Variants in MYRIP observed in about 807,000 individuals in gnomAD.
MYRIP encodes the protein myosin VIIA and Rab interacting protein.
A neutral mutation model predicts 98.0 loss-of-function variants in MYRIP; 49 were observed. The observed-to-expected ratio is 0.50, with a 90% CI of 0.40 to 0.63. The LOEUF (loss-of-function observed/expected upper bound fraction) is 0.63, where lower values mean the gene tolerates loss of function less well. MYRIP is among the 30% of genes least tolerant of loss of function. MYRIP has a pLI of 0.00. For synonymous variants in MYRIP, 404 were observed against 409.5 expected, an observed-to-expected ratio of 0.99 and a Z score of 0.16; for missense variants, 1,004 against 1,058.2, an observed-to-expected ratio of 0.95 and a Z score of 0.71.
At chr3:40,076,478 G>A (rs369117173) in intron 3 of MYRIP, among the ~76,000 whole-genome samples, 108 of 152,264 alleles carry the variant, frequency 7.1e-4, no homozygotes, top group African/African-American at 2.4e-3. Context: ...ACTGGGCCAG[G>A]GCACAGGCAC....
At position 39,895,868 on chromosome 3, in the gene MYRIP, A is replaced by T. The variant is rs114033239; in HGVS notation, c.-30-4919A>T. ...ATCAGGTACTAAGTCACCAGCTTAG[A>T]ACAGGTCAGGCCAGAAAGTCCTGAG... On this transcript the variant is annotated intron_variant, in intron 1 of 16. Coordinates refer to ENST00000302541, the MANE Select transcript of MYRIP (RefSeq NM_015460.4). Among the ~76,000 whole-genome samples, 1,364 of 152,276 alleles carry T rather than the reference A, an allele frequency of 9.0e-3. 24 individuals carry two copies. The highest frequency in any genetic ancestry group is 0.031 in the African/African-American group (1,306 of 41,546).
intron 2 of MYRIP, among the ~76,000 whole-genome samples, chr3:40,036,434 CAGA>C (rs1423642875): frequency 6.6e-6 from 1 of 151,140 alleles, no homozygotes; most frequent in Non-Finnish European, 1.5e-5. Context: ...AAAGAATTAC[CAGA>C]AGAAGTGAAG....
At chr3:40,024,374 G>C (rs1379087389) in intron 2 of MYRIP, among the ~76,000 whole-genome samples, 1 of 152,130 alleles carries the variant, frequency 6.6e-6, no homozygotes, top group Non-Finnish European at 1.5e-5. Context: ...CATGAGATTA[G>C]GGAAGCAGAC....
chr3:40,204,774 A>G (rs938901069), intron 10 of MYRIP, among the ~76,000 whole-genome samples: 6 of 152,130 alleles, frequency 3.9e-5, no homozygotes, highest in African/African-American at 1.4e-4. Flanking sequence ...TCTTAGAGCT[A>G]GATGGTGTCC....
intron 4 of MYRIP, among the ~76,000 whole-genome samples, chr3:40,160,592 C>G (rs879597502): frequency 6.6e-6 from 1 of 152,214 alleles, no homozygotes; most frequent in Non-Finnish European, 1.5e-5. Flanking sequence ...CCTCCCCCAG[C>G]CTCGCTGCCA....
chr3:40,000,613 G>A (rs763038156), intron 2 of MYRIP, among the ~76,000 whole-genome samples: 8 of 152,158 alleles, frequency 5.3e-5, no homozygotes, highest in Admixed American at 2.0e-4. Context: ...GTGCCTGGGA[G>A]GTACTTGAGG....
intron 10 of MYRIP, among the ~76,000 whole-genome samples, chr3:40,192,096 C>A (rs75240478): frequency 2.0e-5 from 3 of 147,612 alleles, no homozygotes; most frequent in African/African-American, 7.8e-5. Context: ...CATCAAAACC[C>A]TGATGGGTTT....
At chr3:40,021,027 T>C (rs1286583738) in intron 2 of MYRIP, among the ~76,000 whole-genome samples, 1 of 152,182 alleles carries the variant, frequency 6.6e-6, no homozygotes, top group African/African-American at 2.4e-5. Context: ...TAGGGATTAA[T>C]TCTGCCAAAT....
chr3:40,098,753 T>TGTGA (rs1309464769), intron 3 of MYRIP, among the ~76,000 whole-genome samples: 8 of 151,154 alleles, frequency 5.3e-5, no homozygotes, highest in Non-Finnish European at 1.2e-4. Context: ...TGTGTGTGTG[T>TGTGA]GTGTGTGTGT....
chr3:40,137,087 A>C (rs914668973), intron 3 of MYRIP, among the ~76,000 whole-genome samples: 7 of 152,250 alleles, frequency 4.6e-5, no homozygotes, highest in Admixed American at 3.9e-4. Flanking sequence ...AAATCAATGA[A>C]TCCAGTAGCT....
At chr3:39,813,471 A>G (rs1349751215) in intron 1 of MYRIP, among the ~76,000 whole-genome samples, 1 of 152,234 alleles carries the variant, frequency 6.6e-6, no homozygotes, top group African/African-American at 2.4e-5. Context: ...CACGATAATT[A>G]TATTTATTCT....
rs142667186 is a variant in MYRIP, at chr3:39,996,724, A to G, written c.111-47326A>G. Among the ~76,000 whole-genome samples, 1,316 of 152,326 alleles carry G rather than the reference A, an allele frequency of 8.6e-3. 15 individuals are homozygous for G. Among genetic ancestry groups the G allele is most frequent in the African/African-American group, 0.03 (1,244 of 41,572 alleles). ...GAACTCTCCACCTCAAATCAATAGAATATACATTCTTTACAGCACCACACC... is the reference window on the plus strand; with the variant it reads ...GAACTCTCCACCTCAAATCAATAGAGTATACATTCTTTACAGCACCACACC... On this transcript the variant is annotated intron_variant, in intron 2 of 16. Transcript: ENST00000302541.
chr3:40,205,156 C>T (rs1346085591), intron 10 of MYRIP, among the ~76,000 whole-genome samples: 1 of 152,132 alleles, frequency 6.6e-6, no homozygotes, highest in African/African-American at 2.4e-5. Flanking sequence ...CCCATATCAT[C>T]ATGAGGTGGG....
chr3:40,045,515 A>T (rs1038391752), intron 3 of MYRIP, among the ~76,000 whole-genome samples: 4 of 152,176 alleles, frequency 2.6e-5, no homozygotes, highest in Admixed American at 6.5e-5. Context: ...TCTGGGAGTG[A>T]TCAACAGAGA....
rs1376148067 is a variant in MYRIP, at chr3:40,169,950, A to G, written c.730A>G (p.Ile244Val). ...EELATTILQK[I>V]IRKQKSKSEQ... ...CCCTTTTTTGTCCTCCCCTCCCCAG[A>G]TTATACGAAAACAGAAGAGCAAAAG... Residue 244 changes from isoleucine (I) to valine (V), a missense_variant and splice_region_variant, in exon 8 of 17, where the codon ATT becomes GTT. Physicochemically the swap from Ile to Val is conservative, Grantham distance 29. This residue lies in a region of MYRIP where 880 missense variants were observed against 907.7 expected (regional missense o/e 0.97). Transcript: ENST00000302541. The G allele has an allele frequency of 6.2e-7, 1 of 1,614,060 alleles. No homozygotes were observed. Among genetic ancestry groups the G allele is most frequent in the East Asian group, 2.2e-5 (1 of 44,898 alleles).
intron 8 of MYRIP, chr3:40,174,729 A>AG (rs1486524329): frequency 1.3e-5 from 2 of 152,220 alleles, no homozygotes; most frequent in Non-Finnish European, 2.9e-5. Context: ...ATACCTGTGG[A>AG]GGAGGAAGAG....
intron 3 of MYRIP, among the ~76,000 whole-genome samples, chr3:40,052,895 C>T (rs985465789): frequency 1.3e-5 from 2 of 152,106 alleles, no homozygotes; most frequent in East Asian, 1.9e-4. Flanking sequence ...AGATTGAAAA[C>T]TGCAATGCAA....
chr3:39,900,056 G>A (rs1164024822), intron 1 of MYRIP, among the ~76,000 whole-genome samples: 1 of 152,142 alleles, frequency 6.6e-6, no homozygotes, highest in Non-Finnish European at 1.5e-5. Flanking sequence ...CCTGATGTCA[G>A]GTGATCTGCC....
chr3:39,834,589 T>A (rs1941566296), intron 1 of MYRIP, among the ~76,000 whole-genome samples: 1 of 152,192 alleles, frequency 6.6e-6, no homozygotes, highest in Non-Finnish European at 1.5e-5. Flanking sequence ...TTTATTTTAC[T>A]AAAATGATGC....
Sources: gnomAD v4.1 joint callset for allele counts (sites outside exome capture counted in the v4.1 genomes callset) on GRCh38, gnomAD v4.1.1 for gene constraint, gnomAD v4.1.1 regional missense constraint, MANE v1.5 for transcripts, NCBI Gene and HGNC (gene_info 2026-07-23, HGNC 2026-07-21) for gene names.